The following DOK7 variants were observed in gnomAD, a reference collection of about 807,000 sequenced individuals.
DOK7 encodes protein Dok-7.
In DOK7, 32 loss-of-function variants were observed where a neutral mutation model predicts 30.7. The observed-to-expected ratio is 1.04, with a 90% CI of 0.79 to 1.40. The LOEUF (loss-of-function observed/expected upper bound fraction) is 1.40, where lower values mean the gene tolerates loss of function less well. DOK7 is among the 40% of genes most tolerant of loss of function. The probability of loss-of-function intolerance (pLI) is 0.00; values close to 1 mark genes in which losing one functional copy is unlikely to be tolerated. For synonymous variants in DOK7, 447 were observed against 324.1 expected, an observed-to-expected ratio of 1.38 and a Z score of -4.07; for missense variants, 1,007 against 699.2, an observed-to-expected ratio of 1.44 and a Z score of -4.97.
At chr4:3,489,475 C>T (rs1300132627) in intron 5 of DOK7, among the ~76,000 whole-genome samples, 1 of 152,102 alleles carries the variant, frequency 6.6e-6, no homozygotes, top group Admixed American at 6.5e-5. Flanking sequence ...CAGCTGGGCG[C>T]ATGGTGGCCT....
rs150415034 is a variant in DOK7 at position 3,492,905 on chromosome 4, G to A, written c.919G>A (p.Ala307Thr). The change falls in exon 7 of 7, where the codon GCC (alanine) becomes ACC (threonine). Residue 307 changes from alanine (A) to threonine (T), a missense_variant. Ala to Thr is a moderately conservative substitution (Grantham distance 58). Coordinates refer to ENST00000340083, the MANE Select transcript of DOK7 (RefSeq NM_173660.5). ...EGPRPAAAQA[A>T]GEAMVGASRP... is the part of the protein sequence containing the mutation. ...GCCTAGACCAGCAGCTGCCCAGGCC[G>A]CCGGGGAAGCCATGGTGGGTGCCTC... is the stretch of plus-strand genomic sequence containing the variant. The A allele has an allele frequency of 7.9e-4, 1,237 of 1,574,618 alleles. 7 individuals are homozygous for A. The highest frequency in any genetic ancestry group is 6.3e-3 in the African/African-American group (466 of 74,198).
At chr4:3,463,627 G>C (rs1325203330) in intron 2 of DOK7, 76 bp downstream of exon 2, 2 of 1,505,108 alleles carry the variant, frequency 1.3e-6, no homozygotes, top group African/African-American at 2.8e-5. Context: ...AGTAATGCCA[G>C]CTTGCCCAAA....
At chr4:3,482,871 C>T (rs1298061315) in intron 4 of DOK7, among the ~76,000 whole-genome samples, 1 of 151,700 alleles carries the variant, frequency 6.6e-6, no homozygotes, top group African/African-American at 2.4e-5. Context: ...TCCCTGCCGG[C>T]AAGGTGCTCA....
rs1308407483 is a variant in DOK7, at chr4:3,493,555, G to A, written c.*54G>A. On this transcript the variant is annotated 3_prime_UTR_variant, in exon 7 of 7. Transcript: ENST00000340083. The stretch of plus-strand genomic sequence containing the variant: ...AAGGGGCTGAATTTGCCCCCAGATG[G>A]CAGAGGAAGTGGCGCCAGCCTCCTT... 4.4e-6 allele frequency: 7 copies of A among 1,590,740 alleles called. No homozygotes were observed. Among genetic ancestry groups the A allele is most frequent in the Admixed American group, 1.7e-5 (1 of 57,778 alleles).
chr4:3,470,072 A>T (rs1726672732), intron 2 of DOK7, among the ~76,000 whole-genome samples: 1 of 152,172 alleles, frequency 6.6e-6, no homozygotes, highest in Admixed American at 6.5e-5. Flanking sequence ...TCTGCAGTCG[A>T]GGGGCCCGTA....
chr4:3,484,574 C>G, intron 4 of DOK7: 1 of 985,376 alleles, frequency 1.0e-6, no homozygotes, highest in Non-Finnish European at 1.2e-6. Context: ...TTCATTCACC[C>G]CTGGCCGGGA....
At chr4:3,494,833 G>A (rs890306198), downstream of DOK7, among the ~76,000 whole-genome samples, 2 of 152,254 alleles carry the variant, frequency 1.3e-5, no homozygotes, top group African/African-American at 4.8e-5. Flanking sequence ...TGAGCCCAGG[G>A]CCCCTGCCCT....
Position 3,484,572 on chromosome 4 carries a change from C to A in DOK7, c.533-967C>A, listed in dbSNP as rs938231766. ...CACGCGGCCGCCAGGGCTTCATTCA[C>A]CCCTGGCCGGGAGGGCAGCGCCCCC... is the stretch of plus-strand genomic sequence containing the variant. On this transcript the variant is annotated intron_variant, in intron 4 of 6. Coordinates refer to ENST00000340083, the MANE Select transcript of DOK7 (RefSeq NM_173660.5). 3 of 985,260 alleles carry A rather than the reference C, an allele frequency of 3.0e-6. No individual in the cohort carries two copies. In the East Asian group the frequency reaches 3.4e-4, roughly 112 times the overall value. The allele number at this position is 985,260 out of a possible 1,614,324, so 61.0% of individuals were successfully genotyped here. A position where few individuals can be genotyped will look rare whatever the true frequency, so the allele number is the denominator to read the frequency against.
intron 4 of DOK7, chr4:3,485,329 T>C: frequency 1.7e-6 from 1 of 605,576 alleles, no homozygotes; most frequent in South Asian, 3.2e-5. Flanking sequence ...GGGACCCAGC[T>C]TCACAGAGCC....
At chr4:3,485,297 C>T in intron 4 of DOK7, 2 of 500,714 alleles carry the variant, frequency 4.0e-6, no homozygotes, top group Non-Finnish European at 6.8e-6. Flanking sequence ...CGGCGGGGTC[C>T]CTGGGGAGTC....
At chr4:3,489,387 A>G (rs1399032441) in intron 5 of DOK7, among the ~76,000 whole-genome samples, 1 of 151,992 alleles carries the variant, frequency 6.6e-6, no homozygotes, top group Non-Finnish European at 1.5e-5. Context: ...GGTGAGGAAG[A>G]TGAGGAAGGA....
rs1577164549 is a variant in DOK7, at chr4:3,484,845, T to G, written c.533-694T>G. 6 of 985,296 alleles carry G rather than the reference T, an allele frequency of 6.1e-6. No homozygotes were observed. In the South Asian group the frequency reaches 2.3e-4, roughly 39 times the overall value. The allele number at this position is 985,296 out of a possible 1,614,324, so 61.0% of individuals were successfully genotyped here. The stretch of plus-strand genomic sequence containing the variant: ...GACGGCTGCAGCATGTGTGGGCAGG[T>G]GCCGTGCCACACCTTTTACAAACAT... On this transcript the variant is annotated intron_variant, in intron 4 of 6. Transcript: ENST00000340083.
At chr4:3,498,831 C>T (rs918281679), downstream of DOK7, among the ~76,000 whole-genome samples, 6 of 152,252 alleles carry the variant, frequency 3.9e-5, no homozygotes, top group Non-Finnish European at 8.8e-5. Flanking sequence ...GGGGTCTCCC[C>T]AGGGCCTCAG....
At chr4:3,500,319 G>T (rs992134227) in exon 7 of DOK7, 78 of 1,535,858 alleles carry the variant, frequency 5.1e-5, no homozygotes, top group Non-Finnish European at 6.1e-5. Context: ...GCCCACTTAC[G>T]TGAACATCCC....
At chr4:3,486,708 G>T (rs1401730660) in intron 5 of DOK7, among the ~76,000 whole-genome samples, 1 of 151,958 alleles carries the variant, frequency 6.6e-6, no homozygotes, top group African/African-American at 2.4e-5. Flanking sequence ...ACCCCTGCAG[G>T]TGTCTTCCTG....
chr4:3,470,534 C>G (rs186126245), intron 2 of DOK7, among the ~76,000 whole-genome samples: 4 of 152,296 alleles, frequency 2.6e-5, no homozygotes, highest in African/African-American at 9.6e-5. Context: ...GTTCAGCATG[C>G]GCCCCACCAC....
intron 2 of DOK7, among the ~76,000 whole-genome samples, chr4:3,469,017 T>G (rs1297108806): frequency 4.1e-5 from 6 of 147,346 alleles, no homozygotes; most frequent in African/African-American, 1.6e-4. Context: ...TGTATGAGTG[T>G]GTGTGCCTGT....
At chr4:3,495,361 G>A (rs1054276676), downstream of DOK7, among the ~76,000 whole-genome samples, 3 of 152,206 alleles carry the variant, frequency 2.0e-5, no homozygotes, top group Non-Finnish European at 2.9e-5. Context: ...GTGTTCCCAC[G>A]GGTCGCCTGC....
intron 2 of DOK7, among the ~76,000 whole-genome samples, chr4:3,468,906 T>TATGA (rs1491357328): frequency 9.6e-6 from 1 of 104,066 alleles, no homozygotes; most frequent in African/African-American, 3.6e-5. Context: ...TGTGCATGTC[T>TATGA]GTGTGTGTAT....
Sources: gnomAD v4.1 joint callset for allele counts (sites outside exome capture counted in the v4.1 genomes callset) on GRCh38, gnomAD v4.1.1 for gene constraint, MANE v1.5 for transcripts, NCBI Gene and HGNC (gene_info 2026-07-23, HGNC 2026-07-21) for gene names.